Variants in C4orf51 observed in about 807,000 individuals in gnomAD.
C4orf51 encodes chromosome 4 open reading frame 51, also known as uncharacterized protein C4orf51.
In C4orf51, 25 loss-of-function variants were observed where a neutral mutation model predicts 25.2. The observed-to-expected ratio is 0.99, with a 90% CI of 0.72 to 1.39. C4orf51 has a LOEUF of 1.39. Among genes scored for constraint, C4orf51 ranks in the 40% most tolerant of loss-of-function variants. C4orf51 has a pLI of 0.00. For missense variants in C4orf51, 252 were observed against 239.6 expected (o/e 1.05, Z -0.34); for synonymous variants, 100 against 84.5 (o/e 1.18, Z -1.01).
chr4:145,723,663 A>C (rs1365097357), intron 2 of C4orf51, among the ~76,000 whole-genome samples: 1 of 152,242 alleles, frequency 6.6e-6, no homozygotes, highest in Non-Finnish European at 1.5e-5. Context: ...CTAAAGATAG[A>C]ATTTGTTGGT....
chr4:145,749,063 G>GTATATATATATATATATATA (rs142948635), intron 1 of C4orf51, among the ~76,000 whole-genome samples: 8 of 140,008 alleles, frequency 5.7e-5, no homozygotes, highest in Non-Finnish European at 1.2e-4. Flanking sequence ...GTGTGTGTGT[G>GTATATATATATATATATATA]TGTATATATA....
chr4:145,758,330 C>T (rs1270437419), downstream of C4orf51: 7 of 152,182 alleles, frequency 4.6e-5, no homozygotes, highest in Admixed American at 2.6e-4. Flanking sequence ...CACCTCCTCT[C>T]GTTCTTGAAA....
intron 1 of C4orf51, among the ~76,000 whole-genome samples, chr4:145,764,196 G>A (rs149362855): frequency 3.8e-4 from 58 of 152,286 alleles, no homozygotes; most frequent in African/African-American, 1.3e-3. Context: ...GTCTTTCTGT[G>A]TCCTCCTACC....
chr4:145,703,077 C>G (rs1394456723), intron 2 of C4orf51, among the ~76,000 whole-genome samples: 1 of 151,768 alleles, frequency 6.6e-6, no homozygotes, highest in Admixed American at 6.6e-5. Flanking sequence ...TGAGCCCAAG[C>G]CAAGCCATCA....
chr4:145,718,577 G>A (rs1313816427), intron 2 of C4orf51, among the ~76,000 whole-genome samples: 3 of 152,200 alleles, frequency 2.0e-5, no homozygotes, highest in African/African-American at 4.8e-5. Flanking sequence ...CATAAGTCAC[G>A]TCTTGCCAAC....
At chr4:145,715,144 T>C (rs80057356) in intron 2 of C4orf51, among the ~76,000 whole-genome samples, 5,361 of 152,192 alleles carry the variant, frequency 0.035, 287 homozygotes, top group African/African-American at 0.11. Context: ...ATGTGGGGCA[T>C]TGGGTGTACC....
chr4:145,761,144 C>T lies in C4orf51; in HGVS notation n.167-9844C>T, dbSNP rs912794194. On this transcript the variant is annotated intron_variant and non_coding_transcript_variant, in intron 1 of 1. Transcript: ENST00000510096. The surrounding 1 kb of genome is among the most constrained non-coding windows in gnomAD (Gnocchi z 6.8). ...AGCGGGGCCCCCGGGCCGGCCGGTT[C>T]CTTGGGGGCTGGACACAGGCCCTTC... 5 of 1,289,798 alleles carry T rather than the reference C, an allele frequency of 3.9e-6. No homozygotes were observed. The highest frequency in any genetic ancestry group is 5.1e-6 in the Non-Finnish European group (5 of 988,824). The allele number at this position is 1,289,798 out of a possible 1,614,324, so 79.9% of individuals were successfully genotyped here. A position where few individuals can be genotyped will look rare whatever the true frequency, so the allele number is the denominator to read the frequency against.
At chr4:145,731,564 C>CTTTTTTTTTTTTTTTT (rs398051305) in intron 5 of C4orf51, among the ~76,000 whole-genome samples, 3 of 43,860 alleles carry the variant, frequency 6.8e-5, no homozygotes, top group East Asian at 8.3e-4. Context: ...CAAGGCAAAT[C>CTTTTTTTTTTTTTTTT]TTTTTTTTTT....
chr4:145,763,232 G>T lies in C4orf51; in HGVS notation n.167-7756G>T. 2 of 1,110,730 alleles carry T rather than the reference G, an allele frequency of 1.8e-6. No individual in the cohort carries two copies. Among genetic ancestry groups the T allele is most frequent in the African/African-American group, 1.6e-5 (1 of 64,090 alleles). The allele number at this position is 1,110,730 out of a possible 1,614,324, so 68.8% of individuals were successfully genotyped here. A position where few individuals can be genotyped will look rare whatever the true frequency, so the allele number is the denominator to read the frequency against. On this transcript the variant is annotated intron_variant and non_coding_transcript_variant, in intron 1 of 1. Transcript: ENST00000510096. The surrounding 1 kb of genome is among the most constrained non-coding windows in gnomAD (Gnocchi z 4.6). ...AAAGCAATTTAGACATCAGCAGTCTGTTTCATTTTAAGGACATTTCTGTGA... is the reference window on the plus strand; with the variant it reads ...AAAGCAATTTAGACATCAGCAGTCTTTTTCATTTTAAGGACATTTCTGTGA...
the C4orf51 span, among the ~76,000 whole-genome samples, chr4:145,789,695 C>A: frequency 6.6e-6 from 1 of 152,166 alleles, no homozygotes; most frequent in African/African-American, 2.4e-5. Flanking sequence ...TTACATTATA[C>A]TAGAAGACCA....
At chr4:145,702,575 G>A (rs180917584) in intron 2 of C4orf51, among the ~76,000 whole-genome samples, 2,263 of 152,174 alleles carry the variant, frequency 0.015, 52 homozygotes, top group African/African-American at 0.051. Context: ...TTACACTGCC[G>A]GTTTACACTG....
intron 1 of C4orf51, among the ~76,000 whole-genome samples, chr4:145,680,919 T>G (rs1224316868): frequency 1.3e-5 from 2 of 152,180 alleles, no homozygotes; most frequent in African/African-American, 2.4e-5. Flanking sequence ...TAACTTCAGT[T>G]TATAAAGTGA....
intron 3 of C4orf51, among the ~76,000 whole-genome samples, chr4:145,727,232 G>A (rs577835460): frequency 4.9e-4 from 74 of 152,154 alleles, no homozygotes; most frequent in African/African-American, 1.7e-3. Flanking sequence ...CCTTGCAGAG[G>A]AAAAATTATA....
At chr4:145,776,938 T>C in the C4orf51 span, among the ~76,000 whole-genome samples, 1 of 152,120 alleles carries the variant, frequency 6.6e-6, no homozygotes, top group East Asian at 1.9e-4. Context: ...ATCAAGCAAA[T>C]TAAAGTAAAA....
the C4orf51 span, among the ~76,000 whole-genome samples, chr4:145,784,026 C>A: frequency 1.2e-3 from 177 of 152,134 alleles, 1 homozygote; most frequent in African/African-American, 4.0e-3. Flanking sequence ...GTGTGCAGCA[C>A]CTTCCCCTTC....
rs547405753 is a variant in C4orf51 at position 145,706,355 on chromosome 4, T to C, written c.307+9723T>C. 3.0e-4 allele frequency among the ~76,000 whole-genome samples: 45 copies of C among 152,326 alleles called. 1 individual carries two copies. Among genetic ancestry groups the C allele is most frequent in the African/African-American group, 1.0e-3 (42 of 41,576 alleles). ...TTCAGGTAAGACTTTTTTAAAGCCT[T>C]AGGTTGGCACCATCAAATACCTGTA... is the stretch of plus-strand genomic sequence containing the variant. On this transcript the variant is annotated intron_variant, in intron 2 of 5. Transcript: ENST00000438731.
chr4:145,781,228 G>T, the C4orf51 span, among the ~76,000 whole-genome samples: 4 of 99,696 alleles, frequency 4.0e-5, no homozygotes, highest in African/African-American at 3.7e-5. Context: ...GAAAAAAAAA[G>T]AAAAAAAAAA....
the C4orf51 span, chr4:145,779,414 G>A: frequency 6.2e-7 from 1 of 1,614,058 alleles, no homozygotes; most frequent in Non-Finnish European, 8.5e-7. Flanking sequence ...TCTGCTGTCG[G>A]CCAAACACTT....
intron 2 of C4orf51, among the ~76,000 whole-genome samples, chr4:145,698,035 A>T (rs1192138515): frequency 6.6e-6 from 1 of 152,192 alleles, no homozygotes; most frequent in African/African-American, 2.4e-5. Context: ...GGTAGAAGTA[A>T]TACCTGGTTG....
Sources: allele counts gnomAD v4.1 joint callset (sites outside exome capture counted in the v4.1 genomes callset), GRCh38; gene constraint gnomAD v4.1.1; non-coding constraint Gnocchi (gnomAD v3.1); transcripts MANE v1.5; gene names NCBI Gene and HGNC (gene_info 2026-07-23, HGNC 2026-07-21).